Variants in ELMO1 observed in about 807,000 individuals in gnomAD.
ELMO1 encodes engulfment and cell motility protein 1.
A neutral mutation model predicts 98.9 loss-of-function variants in ELMO1; 26 were observed. The ratio of observed to expected loss-of-function variants is 0.26; its 90% confidence interval spans 0.19 to 0.36. ELMO1 has a LOEUF of 0.36. ELMO1 is among the 10% of genes least tolerant of loss of function. The probability of loss-of-function intolerance (pLI) is 1.00; values close to 1 mark genes in which losing one functional copy is unlikely to be tolerated. For missense variants in ELMO1, 627 were observed against 935.2 expected, an observed-to-expected ratio of 0.67 and a Z score of 4.30; for synonymous variants, 346 against 346.0, an observed-to-expected ratio of 1.00 and a Z score of 0.00.
At chr7:37,070,608 C>A (rs527964481) in intron 15 of ELMO1, among the ~76,000 whole-genome samples, 1 of 152,196 alleles carries the variant, frequency 6.6e-6, no homozygotes, top group African/African-American at 2.4e-5. Flanking sequence ...CTCCTGTTCT[C>A]ATCTGTGGTC....
rs571887278 is a variant in ELMO1, at chr7:37,333,817, T to C, written c.78+8796A>G. On this transcript the variant is annotated intron_variant, in intron 2 of 21. Transcript: ENST00000310758. ...ACGGTATGAAAGCAATGGTGCAGTA[T>C]CACAGTCTTTATTACAGCTTTCTTA... 1.8e-4 allele frequency among the ~76,000 whole-genome samples: 28 copies of C among 152,334 alleles called. No individual in the cohort carries two copies. The South Asian group carries it at 5.8e-3, about 32-fold the overall frequency.
chr7:36,858,811 A>C (rs551423533), intron 21 of ELMO1, among the ~76,000 whole-genome samples: 4 of 152,186 alleles, frequency 2.6e-5, no homozygotes, highest in African/African-American at 9.6e-5. Flanking sequence ...AGTGAAAAAG[A>C]CAAGGGAAAA....
chr7:37,050,271 G>T (rs1796029665), intron 15 of ELMO1, among the ~76,000 whole-genome samples: 1 of 151,986 alleles, frequency 6.6e-6, no homozygotes. Context: ...ATGGGGTTTT[G>T]CCATGTTTTC....
At chr7:37,399,441 A>T (rs986251602) in intron 1 of ELMO1, among the ~76,000 whole-genome samples, 4 of 152,212 alleles carry the variant, frequency 2.6e-5, no homozygotes, top group African/African-American at 9.6e-5. Context: ...AGCCCTGGGC[A>T]TAGCCACCTT....
chr7:37,092,783 G>A (rs961779257), intron 15 of ELMO1, among the ~76,000 whole-genome samples: 6 of 152,086 alleles, frequency 3.9e-5, no homozygotes, highest in African/African-American at 9.7e-5. Context: ...AGGAACCAGC[G>A]GCTCAGAACA....
chr7:37,322,212 C>A (rs1372356954), intron 2 of ELMO1, among the ~76,000 whole-genome samples: 1 of 151,644 alleles, frequency 6.6e-6, no homozygotes, highest in African/African-American at 2.4e-5. Context: ...ACGTGGTGGC[C>A]CATGCCTGTT....
At chr7:36,956,211 C>G (rs972101794) in intron 16 of ELMO1, among the ~76,000 whole-genome samples, 2 of 152,184 alleles carry the variant, frequency 1.3e-5, no homozygotes, top group East Asian at 1.9e-4. Context: ...AGACCACTAT[C>G]CTTTCCACTT....
intron 16 of ELMO1, among the ~76,000 whole-genome samples, chr7:36,957,343 C>T (rs986700229): frequency 1.3e-5 from 2 of 152,132 alleles, no homozygotes; most frequent in Admixed American, 6.5e-5. Context: ...TCCAGACCAC[C>T]GCCCTTTTTA....
intron 15 of ELMO1, among the ~76,000 whole-genome samples, chr7:37,094,041 C>G (rs757569254): frequency 3.7e-4 from 57 of 152,180 alleles, no homozygotes; most frequent in Non-Finnish European, 1.3e-4. Flanking sequence ...TGAACTCCTT[C>G]GGGGACAAGG....
chr7:37,106,736 A>G (rs577139808), intron 14 of ELMO1, among the ~76,000 whole-genome samples: 1 of 152,232 alleles, frequency 6.6e-6, no homozygotes, highest in South Asian at 2.1e-4. Flanking sequence ...TGGTATCATT[A>G]AGGCAGAACT....
chr7:37,334,074 C>G (rs1014573753), intron 2 of ELMO1, among the ~76,000 whole-genome samples: 5 of 152,164 alleles, frequency 3.3e-5, no homozygotes, highest in Admixed American at 2.6e-4. Context: ...ACCAGGGGAG[C>G]TTCATAAAAA....
chr7:37,335,982 T>C (rs1339359197), intron 2 of ELMO1, among the ~76,000 whole-genome samples: 1 of 152,066 alleles, frequency 6.6e-6, no homozygotes, highest in Non-Finnish European at 1.5e-5. Flanking sequence ...ATCCCAGCAC[T>C]TTGGGAGGCT....
intron 16 of ELMO1, among the ~76,000 whole-genome samples, chr7:37,005,416 G>A (rs1793008192): frequency 6.6e-6 from 1 of 152,094 alleles, no homozygotes; most frequent in South Asian, 2.1e-4. Flanking sequence ...TACTGGCTGG[G>A]CATGGTGGCT....
At chr7:36,897,545 G>A (rs1806141502) in intron 16 of ELMO1, among the ~76,000 whole-genome samples, 1 of 152,096 alleles carries the variant, frequency 6.6e-6, no homozygotes, top group African/African-American at 2.4e-5. Context: ...CTGTGGGGCT[G>A]AGATTGTCCA....
At chr7:37,286,674 GGA>G (rs1797405929) in intron 4 of ELMO1, among the ~76,000 whole-genome samples, 1 of 152,084 alleles carries the variant, frequency 6.6e-6, no homozygotes, top group South Asian at 2.1e-4. Flanking sequence ...GGGAGAGAAG[GGA>G]GAGAATCTCA....
chr7:37,361,558 C>T (rs1801698612), intron 1 of ELMO1, among the ~76,000 whole-genome samples: 1 of 152,192 alleles, frequency 6.6e-6, no homozygotes, highest in African/African-American at 2.4e-5. Context: ...TGAGTCTTTA[C>T]AGAAAATGTA....
At chr7:37,303,490 GGAGTATGCTTAGAA>G (rs1414035802) in intron 4 of ELMO1, among the ~76,000 whole-genome samples, 2 of 152,154 alleles carry the variant, frequency 1.3e-5, no homozygotes, top group African/African-American at 4.8e-5. Flanking sequence ...AACATGAACA[GGAGTATGCTTAGAA>G]GATCTGCAAT....
chr7:37,298,280 TTTTTTTG>T (rs1280430987), intron 4 of ELMO1, among the ~76,000 whole-genome samples: 3 of 51,994 alleles, frequency 5.8e-5, no homozygotes, highest in Middle Eastern at 0.015. Flanking sequence ...ACTAGGAAGT[TTTTTTTG>T]TTTTTTTTTT....
At chr7:37,079,889 A>G (rs1374451535) in intron 15 of ELMO1, among the ~76,000 whole-genome samples, 2 of 152,180 alleles carry the variant, frequency 1.3e-5, no homozygotes, top group African/African-American at 2.4e-5. Flanking sequence ...TATTATCTAT[A>G]TACTGTTGAT....
Sources: gnomAD v4.1 joint callset for allele counts (sites outside exome capture counted in the v4.1 genomes callset) on GRCh38, gnomAD v4.1.1 for gene constraint, MANE v1.5 for transcripts, NCBI Gene and HGNC (gene_info 2026-07-23, HGNC 2026-07-21) for gene names.